The following RNF24 variants were observed in gnomAD, a reference collection of about 807,000 sequenced individuals.
RNF24 encodes the protein ring finger protein 24.
RNF24 carries 14 observed loss-of-function variants against 20.0 expected under a neutral mutation model. The observed-to-expected ratio is 0.70, with a 90% confidence interval of 0.46 to 1.10. The LOEUF (loss-of-function observed/expected upper bound fraction) is 1.10, where lower values mean the gene tolerates loss of function less well. Among genes scored for constraint, RNF24 ranks in the 50% least tolerant of loss-of-function variants. The pLI is 0.00. For missense variants in RNF24, 124 were observed against 177.6 expected (o/e 0.70, Z 1.71); for synonymous variants, 45 against 61.1 (o/e 0.74, Z 1.23).
chr20:3,973,297 G>A (rs974878440), intron 1 of RNF24, among the ~76,000 whole-genome samples: 1 of 151,570 alleles, frequency 6.6e-6, no homozygotes, highest in Non-Finnish European at 1.5e-5. Context: ...GGTACTAAAC[G>A]CACACATAAG....
At chr20:4,011,244 A>G (rs982208175) in intron 1 of RNF24, among the ~76,000 whole-genome samples, 1 of 152,218 alleles carries the variant, frequency 6.6e-6, no homozygotes, top group African/African-American at 2.4e-5. Flanking sequence ...TTTTCAATCC[A>G]GATTTTAACA....
At chr20:3,947,782 C>T (rs144328238) in intron 3 of RNF24, among the ~76,000 whole-genome samples, 7 of 152,342 alleles carry the variant, frequency 4.6e-5, no homozygotes, top group South Asian at 4.1e-4. Context: ...CACAGTGGCT[C>T]ACGCCTGTAA....
intron 1 of RNF24, among the ~76,000 whole-genome samples, chr20:3,993,308 G>A (rs1004266112): frequency 1.3e-5 from 2 of 150,650 alleles, no homozygotes; most frequent in African/African-American, 2.4e-5. Flanking sequence ...TTTTTTTTGA[G>A]GCAGAGTCTC....
At chr20:4,004,625 T>C (rs1981696675) in intron 1 of RNF24, among the ~76,000 whole-genome samples, 1 of 152,118 alleles carries the variant, frequency 6.6e-6, no homozygotes, top group Admixed American at 6.5e-5. Context: ...GAGAAGACCA[T>C]ATGAAGACAG....
At chr20:3,982,163 G>A (rs1471419624) in intron 1 of RNF24, among the ~76,000 whole-genome samples, 1 of 144,744 alleles carries the variant, frequency 6.9e-6, no homozygotes, top group Non-Finnish European at 1.5e-5. Flanking sequence ...ATGCTATTGT[G>A]AAGTTAATTG....
intron 2 of RNF24, among the ~76,000 whole-genome samples, chr20:3,955,485 G>A (rs1000564674): frequency 6.6e-6 from 1 of 152,100 alleles, no homozygotes; most frequent in Non-Finnish European, 1.5e-5. Context: ...TATTTTATTG[G>A]TTTATATGTC....
intron 1 of RNF24, among the ~76,000 whole-genome samples, chr20:3,995,782 A>G (rs1980809978): frequency 6.6e-6 from 1 of 152,154 alleles, no homozygotes; most frequent in Non-Finnish European, 1.5e-5. Context: ...ACGATGGGGC[A>G]GATCAAATGT....
chr20:3,952,632 TAA>T (rs766580805), intron 2 of RNF24, among the ~76,000 whole-genome samples: 7 of 149,198 alleles, frequency 4.7e-5, no homozygotes, highest in Non-Finnish European at 1.0e-4. Flanking sequence ...TGATGCTAAA[TAA>T]AAGTGATAGT....
At chr20:4,011,346 A>G (rs1982444285) in intron 1 of RNF24, among the ~76,000 whole-genome samples, 1 of 152,246 alleles carries the variant, frequency 6.6e-6, no homozygotes, top group Admixed American at 6.5e-5. Context: ...CAGATTTTGT[A>G]TGTACCCTTT....
At chr20:3,938,716 A>C (rs1037632055) in intron 4 of RNF24, among the ~76,000 whole-genome samples, 2 of 152,178 alleles carry the variant, frequency 1.3e-5, no homozygotes, top group African/African-American at 2.4e-5. Flanking sequence ...TTCACTTTCA[A>C]GATAATGTCC....
At position 4,014,835 on chromosome 20, in the gene RNF24, C is replaced by G. The variant is rs111281886; in HGVS notation, c.-8+602G>C. The stretch of plus-strand genomic sequence containing the variant: ...TAATTCTCCGGCCTGTGGAACCACA[C>G]ACGCCCCCTGCCCACAGATGGTGAC... On this transcript the variant is annotated intron_variant, in intron 1 of 5. Transcript: ENST00000358395. Among the ~76,000 whole-genome samples, 58 of 152,294 alleles carry G rather than the reference C, an allele frequency of 3.8e-4. 1 individual carries two copies. The highest frequency in any genetic ancestry group is 1.3e-3 in the African/African-American group (56 of 41,564).
At chr20:4,014,869 A>C (rs1568679820) in intron 1 of RNF24, among the ~76,000 whole-genome samples, 1 of 152,138 alleles carries the variant, frequency 6.6e-6, no homozygotes, top group Non-Finnish European at 1.5e-5. Context: ...ACTTTCATTA[A>C]TGAGTAAGCC....
At chr20:4,015,278 C>G (rs1290530724) in intron 1 of RNF24, 159 bp downstream of exon 1, 1 of 152,190 alleles carries the variant, frequency 6.6e-6, no homozygotes, top group African/African-American at 2.4e-5. Context: ...CCCTGCACAC[C>G]GCGCCCGGCC....
At chr20:3,949,034 T>A in intron 2 of RNF24, among the ~76,000 whole-genome samples, 1 of 152,250 alleles carries the variant, frequency 6.6e-6, no homozygotes, top group East Asian at 1.9e-4. Flanking sequence ...AGTGGACATA[T>A]ATACTCATTT....
intron 1 of RNF24, among the ~76,000 whole-genome samples, chr20:3,993,332 G>C (rs1223694109): frequency 6.6e-6 from 1 of 151,844 alleles, no homozygotes. Context: ...CTACTACCCA[G>C]GCTGGAGTAC....
chr20:3,943,269 G>A (rs1329837945), intron 4 of RNF24, among the ~76,000 whole-genome samples: 1 of 150,374 alleles, frequency 6.7e-6, no homozygotes, highest in African/African-American at 2.4e-5. Context: ...CATTTATAGA[G>A]TTAATGCAAT....
At chr20:3,942,927 T>C (rs1225658820) in intron 4 of RNF24, among the ~76,000 whole-genome samples, 4 of 152,058 alleles carry the variant, frequency 2.6e-5, no homozygotes. Flanking sequence ...GTGATTCTCC[T>C]ACCTTAGCCT....
intron 1 of RNF24, among the ~76,000 whole-genome samples, chr20:3,981,529 C>CAA (rs1821886627): frequency 6.8e-6 from 1 of 147,142 alleles, no homozygotes; most frequent in African/African-American, 2.5e-5. Context: ...TTTTTTGAGA[C>CAA]AGAGTCTCGC....
chr20:3,978,936 T>C (rs1979137508), intron 1 of RNF24, among the ~76,000 whole-genome samples: 1 of 151,698 alleles, frequency 6.6e-6, no homozygotes, highest in Admixed American at 6.6e-5. Context: ...TGAAACCCCA[T>C]CTCTACTAAA....
Sources: allele counts gnomAD v4.1 joint callset (sites outside exome capture counted in the v4.1 genomes callset), GRCh38; gene constraint gnomAD v4.1.1; transcripts MANE v1.5; gene names NCBI Gene and HGNC (gene_info 2026-07-23, HGNC 2026-07-21).